GRIK2: variants seen among roughly 807,000 people sequenced by gnomAD.
GRIK2 encodes the protein glutamate receptor ionotropic, kainate 2.
In GRIK2, 32 loss-of-function variants were observed where a neutral mutation model predicts 100.3. The observed-to-expected ratio is 0.32, with a 90% CI of 0.24 to 0.43. GRIK2 has a LOEUF of 0.43. GRIK2 is among the 20% of genes least tolerant of loss of function. The pLI is 1.00. For synonymous variants in GRIK2, 417 were observed against 389.4 expected, an observed-to-expected ratio of 1.07 and a Z score of -0.83; for missense variants, 843 against 1,114.9, an observed-to-expected ratio of 0.76 and a Z score of 3.47.
At chr6:101,458,495 C>T (rs1771126135) in intron 2 of GRIK2, among the ~76,000 whole-genome samples, 1 of 152,206 alleles carries the variant, frequency 6.6e-6, no homozygotes. Context: ...CTGTCCCAGC[C>T]TCCTGCAGTG....
At chr6:101,903,520 A>G (rs12198381) in intron 12 of GRIK2, among the ~76,000 whole-genome samples, 16,389 of 151,834 alleles carry the variant, frequency 0.11, 982 homozygotes, top group Middle Eastern at 0.21. Context: ...AAACGTAAAC[A>G]ACGTATGAAT....
At chr6:101,892,266 C>G (rs2128458368) in intron 12 of GRIK2, among the ~76,000 whole-genome samples, 1 of 152,218 alleles carries the variant, frequency 6.6e-6, no homozygotes, top group South Asian at 2.1e-4. Flanking sequence ...ATTTTCCAAG[C>G]CCACGGCTTT....
At chr6:101,728,152 CAT>C (rs1214403425) in intron 7 of GRIK2, among the ~76,000 whole-genome samples, 1 of 151,888 alleles carries the variant, frequency 6.6e-6, no homozygotes, top group African/African-American at 2.4e-5. Flanking sequence ...TAACTTATCA[CAT>C]ATAATTATTT....
At chr6:101,673,379 G>A (rs544016344) in intron 4 of GRIK2, among the ~76,000 whole-genome samples, 4 of 152,030 alleles carry the variant, frequency 2.6e-5, no homozygotes, top group African/African-American at 4.8e-5. Context: ...TCTTCTCATC[G>A]GTCCTCCATA....
intron 14 of GRIK2, among the ~76,000 whole-genome samples, chr6:102,022,150 A>ATT (rs142655076): frequency 2.0e-5 from 3 of 150,224 alleles, no homozygotes; most frequent in African/African-American, 7.3e-5. Context: ...ACATACACAC[A>ATT]CACACACACA....
At chr6:101,959,221 G>A (rs138234022) in intron 14 of GRIK2, among the ~76,000 whole-genome samples, 110 of 152,120 alleles carry the variant, frequency 7.2e-4, no homozygotes, top group African/African-American at 2.5e-3. Context: ...ACATTTGGCT[G>A]TACATCCCTC....
chr6:101,560,916 G>T (rs1368260408), intron 2 of GRIK2, among the ~76,000 whole-genome samples: 1 of 152,026 alleles, frequency 6.6e-6, no homozygotes, highest in African/African-American at 2.4e-5. Context: ...TATAGACTTG[G>T]GAAAATAAAT....
At chr6:101,510,244 T>C (rs1391950566) in intron 2 of GRIK2, among the ~76,000 whole-genome samples, 1 of 152,038 alleles carries the variant, frequency 6.6e-6, no homozygotes, top group Admixed American at 6.6e-5. Flanking sequence ...CTTCCACAGG[T>C]TTACAGAAGA....
intron 2 of GRIK2, among the ~76,000 whole-genome samples, chr6:101,580,074 C>A (rs1236505145): frequency 6.6e-6 from 1 of 152,034 alleles, no homozygotes; most frequent in Non-Finnish European, 1.5e-5. Flanking sequence ...AACTTTTTTT[C>A]TCAAATGATT....
At chr6:101,727,187 A>T (rs1774931151) in intron 7 of GRIK2, among the ~76,000 whole-genome samples, 1 of 152,112 alleles carries the variant, frequency 6.6e-6, no homozygotes, top group Admixed American at 6.6e-5. Flanking sequence ...AAGTGAACAC[A>T]TTAATTTCCC....
intron 7 of GRIK2, among the ~76,000 whole-genome samples, chr6:101,798,969 TG>T (rs1780493344): frequency 1.3e-5 from 2 of 152,132 alleles, no homozygotes; most frequent in African/African-American, 4.8e-5. Context: ...TTTATTCATA[TG>T]GAAATCTTGG....
chr6:101,466,409 T>C (rs944881530), intron 2 of GRIK2, among the ~76,000 whole-genome samples: 8 of 151,918 alleles, frequency 5.3e-5, no homozygotes, highest in African/African-American at 1.7e-4. Context: ...AACATTTCAA[T>C]GAGCTGAACA....
chr6:101,994,744 T>A (rs573647717), intron 14 of GRIK2, among the ~76,000 whole-genome samples: 1 of 152,006 alleles, frequency 6.6e-6, no homozygotes, highest in East Asian at 1.9e-4. Context: ...CCCCATTTTT[T>A]CCAGAAAATT....
At chr6:101,826,704 C>T (rs1179777212) in intron 10 of GRIK2, among the ~76,000 whole-genome samples, 1 of 151,750 alleles carries the variant, frequency 6.6e-6, no homozygotes, top group Non-Finnish European at 1.5e-5. Context: ...TTAAACTACC[C>T]AAAATTTTAA....
intron 2 of GRIK2, among the ~76,000 whole-genome samples, chr6:101,545,844 C>A (rs1776203858): frequency 6.6e-6 from 1 of 152,166 alleles, no homozygotes; most frequent in African/African-American, 2.4e-5. Context: ...TCATAATTAG[C>A]TGTATTATAC....
chr6:101,851,680 C>T (rs976826930), intron 10 of GRIK2, among the ~76,000 whole-genome samples: 6 of 151,170 alleles, frequency 4.0e-5, no homozygotes, highest in Non-Finnish European at 8.8e-5. Context: ...TTTATATTTA[C>T]TATTTATTTT....
intron 7 of GRIK2, among the ~76,000 whole-genome samples, chr6:101,710,526 CTA>C (rs1183149690): frequency 6.6e-6 from 1 of 151,878 alleles, no homozygotes; most frequent in Non-Finnish European, 1.5e-5. Flanking sequence ...TTTGAAACCT[CTA>C]TTCTCTCTTT....
intron 2 of GRIK2, among the ~76,000 whole-genome samples, chr6:101,463,314 T>A (rs1337907688): frequency 1.3e-5 from 2 of 152,210 alleles, no homozygotes; most frequent in Non-Finnish European, 2.9e-5. Flanking sequence ...ACAATATTAC[T>A]TAATAAATGC....
At chr6:101,801,680 C>T (rs983084084) in intron 8 of GRIK2, among the ~76,000 whole-genome samples, 4 of 151,836 alleles carry the variant, frequency 2.6e-5, no homozygotes, top group African/African-American at 2.4e-5. Context: ...CTATAACCAA[C>T]AGAATGGGAA....
Sources: allele counts gnomAD v4.1 joint callset (sites outside exome capture counted in the v4.1 genomes callset), GRCh38; gene constraint gnomAD v4.1.1; transcripts MANE v1.5; gene names NCBI Gene and HGNC (gene_info 2026-07-23, HGNC 2026-07-21).